Variants in CLCN7 observed in about 807,000 individuals in gnomAD.
The protein encoded by CLCN7 is Cl-/H+ antiporter 7, also known as H(+)/Cl(-) exchange transporter 7.
Under a neutral mutation model 102.1 loss-of-function variants are expected in CLCN7, and 60 were observed. The ratio of observed to expected loss-of-function variants is 0.59; its 90% confidence interval spans 0.48 to 0.73. CLCN7 has a LOEUF of 0.73. CLCN7 is among the 30% of genes least tolerant of loss of function. The pLI, the probability that CLCN7 is intolerant of heterozygous loss-of-function variation, is 0.00. For missense variants in CLCN7, 962 were observed against 1,125.7 expected (o/e 0.85, Z 2.08); for synonymous variants, 560 against 490.5 (o/e 1.14, Z -1.87).
chr16:1,460,350 C>T (rs1292605872), intron 6 of CLCN7, 68 bp downstream of exon 6: 2 of 1,172,638 alleles, frequency 1.7e-6, no homozygotes, highest in South Asian at 1.2e-5. Flanking sequence ...TGCAGGGGTT[C>T]CCGCCCATTC....
intron 1 of CLCN7, among the ~76,000 whole-genome samples, chr16:1,473,857 G>C (rs1356671071): frequency 6.6e-6 from 1 of 152,024 alleles, no homozygotes; most frequent in Non-Finnish European, 1.5e-5. Flanking sequence ...GCTGAGGTGC[G>C]GGGGATCACG....
chr16:1,457,209 G>GTGCCCA lies in CLCN7; in HGVS notation c.822+39_822+44dup, dbSNP rs774958877. On this transcript the variant is annotated intron_variant, in intron 9 of 24. Transcript: ENST00000382745. The surrounding 1 kb of genome is among the most constrained non-coding windows in gnomAD (Gnocchi z 5.4). The stretch of plus-strand genomic sequence containing the variant: ...ATCTCCCTGAGTGGTGCCCGTGCCC[G>GTGCCCA]TGCCCATGGCATCTGGAGCCCACCC... The GTGCCCA allele has an allele frequency of 6.4e-7, 1 of 1,550,924 alleles. No individual in the cohort carries two copies. Among genetic ancestry groups the GTGCCCA allele is most frequent in the Non-Finnish European group, 8.9e-7 (1 of 1,122,654 alleles).
rs531418789 is a variant in CLCN7, at chr16:1,473,023, G to C, written c.141+1811C>G. Among the ~76,000 whole-genome samples, 9 of 147,576 alleles carry C rather than the reference G, an allele frequency of 6.1e-5. No individual in the cohort carries two copies. The South Asian group carries it at 1.7e-3, about 28-fold the overall frequency. On this transcript the variant is annotated intron_variant, in intron 1 of 24. Coordinates refer to ENST00000382745, the MANE Select transcript of CLCN7 (RefSeq NM_001287.6). ...GCTCAAGTGATCCTCCCCTACCTTG[G>C]CCTCCCAAAGTGCTAGGATTACAGG...
rs563732245 is a variant in CLCN7, at chr16:1,446,552, G to A, written c.*79C>T. ...ACTGCTGGGGAGCATGGTTTGGGCC[G>A]AGAAACCAGTGACTCCGGGAGGAAA... On this transcript the variant is annotated 3_prime_UTR_variant, in exon 25 of 25. Transcript: ENST00000382745. 2.5e-5 allele frequency: 33 copies of A among 1,333,494 alleles called. No homozygotes were observed. The South Asian group carries it at 3.1e-4, about 13-fold the overall frequency. 82.6% of individuals were successfully genotyped at this position (1,333,494 alleles called of 1,614,324 possible). A position where few individuals can be genotyped will look rare whatever the true frequency, so the allele number is the denominator to read the frequency against.
chr16:1,472,015 C>G (rs1264599448), intron 1 of CLCN7: 1 of 152,466 alleles, frequency 6.6e-6, no homozygotes, highest in Admixed American at 6.5e-5. Flanking sequence ...CTCTTCAAGC[C>G]CAAGCCTTGT....
At chr16:1,448,022 C>G (rs1179122044) in intron 21 of CLCN7, among the ~76,000 whole-genome samples, 4 of 152,232 alleles carry the variant, frequency 2.6e-5, no homozygotes, top group Non-Finnish European at 4.4e-5. Context: ...AACCAACCTC[C>G]AAACACCCAG....
chr16:1,448,367 G>C lies in CLCN7; in HGVS notation c.2001C>G (p.Ala667=). Reference sequence around the variant, plus strand: ...GGGTGCCCGGTACCTGGGTGTCATCGGCATGCTCCACCACGGGGAAGCCGT... The same window carrying C: ...GGGTGCCCGGTACCTGGGTGTCATCCGCATGCTCCACCACGGGGAAGCCGT... ...NHNGFPVVEH[A]DDTQPARLQG... Residue 667 remains alanine (A), a synonymous_variant, in exon 21 of 25, where the codon GCC becomes GCG. Transcript: ENST00000382745. The C allele has an allele frequency of 6.2e-7, 1 of 1,612,726 alleles. No homozygotes were observed. Among genetic ancestry groups the C allele is most frequent in the Non-Finnish European group, 8.5e-7 (1 of 1,179,954 alleles).
Position 1,475,018 on chromosome 16 carries a change from C to T in CLCN7, c.-44G>A. 7.1e-7 allele frequency: 1 copy of T among 1,409,076 alleles called. No homozygotes were observed. The highest frequency in any genetic ancestry group is 9.3e-7 in the Non-Finnish European group (1 of 1,078,672). 87.3% of individuals were successfully genotyped at this position (1,409,076 alleles called of 1,614,324 possible). On this transcript the variant is annotated 5_prime_UTR_variant, in exon 1 of 25. Coordinates refer to ENST00000382745, the MANE Select transcript of CLCN7 (RefSeq NM_001287.6). ...ACCGGCCGGGAAGCGCCGGCTGCCC[C>T]CGTGTTTGTTCTCGTGACCCGCGCC... is the stretch of plus-strand genomic sequence containing the variant.
At chr16:1,472,864 G>A (rs2039096316) in intron 1 of CLCN7, among the ~76,000 whole-genome samples, 1 of 147,012 alleles carries the variant, frequency 6.8e-6, no homozygotes. Context: ...CTGGGCTCAT[G>A]CGACTCCTCT....
chr16:1,462,665 C>CAAAAAA (rs67969666), intron 2 of CLCN7, among the ~76,000 whole-genome samples: 720 of 35,798 alleles, frequency 0.02, 15 homozygotes, highest in African/African-American at 0.055. Flanking sequence ...AAAAAAAAGC[C>CAAAAAA]AAAAAAAAAA....
chr16:1,459,212 G>A, intron 6 of CLCN7, 25 bp from the exon 7 acceptor site: 3 of 1,601,714 alleles, frequency 1.9e-6, no homozygotes, highest in Non-Finnish European at 2.6e-6. Context: ...GCACGGCTGA[G>A]TGGGTCACGG....
chr16:1,461,560 C>T lies in CLCN7; in HGVS notation c.285+43G>A, dbSNP rs1411766046. The T allele has an allele frequency of 3.1e-6, 5 of 1,610,338 alleles. No individual in the cohort carries two copies. The African/African-American group carries it at 5.3e-5, about 17-fold the overall frequency. On this transcript the variant is annotated intron_variant, in intron 3 of 24. Coordinates refer to ENST00000382745, the MANE Select transcript of CLCN7 (RefSeq NM_001287.6). ...GGACCGGGAGTGGGCTGGCAGGGGG[C>T]AGAGGCCGGGTCTCAGGGTCAGGGG...
Position 1,457,856 on chromosome 16 carries a change from G to T in CLCN7, c.676-100C>A. 1 of 1,232,404 alleles carries T rather than the reference G, an allele frequency of 8.1e-7. No individual in the cohort carries two copies. The highest frequency in any genetic ancestry group is 1.2e-6 in the Non-Finnish European group (1 of 846,872). The allele number at this position is 1,232,404 out of a possible 1,614,324, so 76.3% of individuals were successfully genotyped here. A position where few individuals can be genotyped will look rare whatever the true frequency, so the allele number is the denominator to read the frequency against. On this transcript the variant is annotated intron_variant, in intron 7 of 24. Coordinates refer to ENST00000382745, the MANE Select transcript of CLCN7 (RefSeq NM_001287.6). The surrounding 1 kb of genome is among the most constrained non-coding windows in gnomAD (Gnocchi z 5.4). ...CACACAGCCCCGATCAGGCAGAGTG[G>T]CTGGGACACGGGGCCTCCGGGAGGG...
Position 1,447,514 on chromosome 16 carries a change from C to A in CLCN7, c.2128G>T (p.Asp710Tyr). ...GLVQRRLRLK[D>Y]FRDAYPRFPP... ...AAGCGCGGGTAGGCGTCTCGGAAGT[C>A]CTTCAGCCTCAGGCGCCGCTGTACC... is the stretch of plus-strand genomic sequence containing the variant. Residue 710 changes from aspartate to tyrosine, a missense_variant, in exon 23 of 25, where the codon GAC (aspartate) becomes TAC (tyrosine). By Grantham distance (160) the Asp-to-Tyr change is radical (BLOSUM62 -3). Coordinates refer to ENST00000382745, the MANE Select transcript of CLCN7 (RefSeq NM_001287.6). 1 of 1,555,476 alleles carries A rather than the reference C, an allele frequency of 6.4e-7. No homozygotes were observed. Among genetic ancestry groups the A allele is most frequent in the Non-Finnish European group, 8.7e-7 (1 of 1,149,886 alleles).
chr16:1,449,122 G>A (rs754701987), intron 18 of CLCN7, 29 bp from the exon 19 acceptor site: 18 of 1,612,398 alleles, frequency 1.1e-5, no homozygotes, highest in African/African-American at 6.7e-5. Flanking sequence ...ACCCCAGCAC[G>A]TCCACCCTCC....
At chr16:1,447,618 C>T (rs772062131) in intron 22 of CLCN7, 37 bp downstream of exon 22, 11 of 1,551,490 alleles carry the variant, frequency 7.1e-6, no homozygotes, top group African/African-American at 2.7e-5. Context: ...ACCCCCGGGG[C>T]CCCCACCCGC....
chr16:1,453,373 G>A (rs531462327), intron 14 of CLCN7, among the ~76,000 whole-genome samples: 5 of 152,232 alleles, frequency 3.3e-5, no homozygotes, highest in Non-Finnish European at 7.4e-5. Flanking sequence ...TCTTCCCTGG[G>A]GTAAAGACTC....
intron 1 of CLCN7, among the ~76,000 whole-genome samples, chr16:1,469,625 G>A (rs377040235): frequency 6.6e-6 from 1 of 152,190 alleles, no homozygotes; most frequent in African/African-American, 2.4e-5. Flanking sequence ...GGCAGAGGTC[G>A]TGGTAAGCTG....
At chr16:1,474,196 G>C (rs1436885029) in intron 1 of CLCN7, 4 of 455,998 alleles carry the variant, frequency 8.8e-6, no homozygotes, top group Admixed American at 2.3e-5. Context: ...CATGCGGAAC[G>C]CATTCCAACC....
Sources: gnomAD v4.1 joint callset for allele counts (sites outside exome capture counted in the v4.1 genomes callset) on GRCh38, gnomAD v4.1.1 for gene constraint, Gnocchi (gnomAD v3.1) non-coding constraint, MANE v1.5 for transcripts, NCBI Gene and HGNC (gene_info 2026-07-23, HGNC 2026-07-21) for gene names.